MYO1D: variants seen among roughly 807,000 people sequenced by gnomAD.
MYO1D encodes the protein myosin ID, also known as unconventional myosin-Id.
A neutral mutation model predicts 122.0 loss-of-function variants in MYO1D; 83 were observed. The observed-to-expected ratio is 0.68, with a 90% confidence interval of 0.57 to 0.82. The LOEUF is 0.82. Among genes scored for constraint, MYO1D ranks in the 40% least tolerant of loss-of-function variants. MYO1D has a pLI of 0.00. For missense variants in MYO1D, 1,157 were observed against 1,269.5 expected (o/e 0.91, Z 1.35); for synonymous variants, 464 against 446.9 (o/e 1.04, Z -0.48).
intron 20 of MYO1D, among the ~76,000 whole-genome samples, chr17:32,631,609 T>A (rs1482024522): frequency 6.6e-6 from 1 of 151,304 alleles, no homozygotes; most frequent in Non-Finnish European, 1.5e-5. Context: ...ATTGCACAAC[T>A]GCACTCCAGC....
intron 20 of MYO1D, among the ~76,000 whole-genome samples, chr17:32,626,018 C>G (rs1182515255): frequency 1.3e-5 from 2 of 152,196 alleles, no homozygotes; most frequent in African/African-American, 2.4e-5. Context: ...TTCTGAGCAC[C>G]AGTTTTCTCT....
intron 16 of MYO1D, among the ~76,000 whole-genome samples, chr17:32,688,559 C>T (rs1420056503): frequency 6.6e-6 from 1 of 152,172 alleles, no homozygotes; most frequent in Non-Finnish European, 1.5e-5. Context: ...TTGAAGAACA[C>T]TGTAAGCAAG....
At chr17:32,733,168 G>A (rs905524608) in intron 14 of MYO1D, among the ~76,000 whole-genome samples, 1 of 152,200 alleles carries the variant, frequency 6.6e-6, no homozygotes, top group Non-Finnish European at 1.5e-5. Context: ...AGTGCAGCCT[G>A]CGAGGCTGAG....
chr17:32,876,740 C>A, intron 1 of MYO1D, 38 bp downstream of exon 1: 1 of 1,465,306 alleles, frequency 6.8e-7, no homozygotes, highest in Non-Finnish European at 9.1e-7. Flanking sequence ...CGGGAAAGCG[C>A]AGCCTCGCGC....
At chr17:32,770,057 T>A (rs950685137) in intron 6 of MYO1D, among the ~76,000 whole-genome samples, 38 of 152,230 alleles carry the variant, frequency 2.5e-4, no homozygotes, top group African/African-American at 9.2e-4. Context: ...TACTGTTTTT[T>A]GTTTTTAATT....
At position 32,772,683 on chromosome 17, in the gene MYO1D, CA is replaced by C; in HGVS notation, c.618+105del. 8.9e-6 allele frequency: 8 copies of C among 901,536 alleles called. No homozygotes were observed. The South Asian group carries it at 1.1e-4, about 12-fold the overall frequency. 55.8% of individuals were successfully genotyped at this position (901,536 alleles called of 1,614,324 possible). A position where few individuals can be genotyped will look rare whatever the true frequency, so the allele number is the denominator to read the frequency against. On this transcript the variant is annotated intron_variant, in intron 5 of 21. Coordinates refer to ENST00000318217, the MANE Select transcript of MYO1D (RefSeq NM_015194.3). Reference sequence around the variant, plus strand: ...GTGCATGCGTGACATGTTACGGGGCCAATGGAGATGAGTGATGCATAGGACA... The same window carrying C: ...GTGCATGCGTGACATGTTACGGGGCCATGGAGATGAGTGATGCATAGGACA...
chr17:32,749,453 A>C (rs1192952986), intron 11 of MYO1D, among the ~76,000 whole-genome samples: 1 of 152,214 alleles, frequency 6.6e-6, no homozygotes, highest in East Asian at 1.9e-4. Context: ...GCTACAGGCT[A>C]GGCATGGTGG....
chr17:32,853,044 G>A (rs1161655692), intron 1 of MYO1D, among the ~76,000 whole-genome samples: 1 of 152,128 alleles, frequency 6.6e-6, no homozygotes, highest in Non-Finnish European at 1.5e-5. Flanking sequence ...AAGAACAATA[G>A]CCTCAGCCTG....
intron 21 of MYO1D, among the ~76,000 whole-genome samples, chr17:32,503,078 C>G (rs1555620289): frequency 1.3e-5 from 2 of 152,212 alleles, no homozygotes; most frequent in Non-Finnish European, 2.9e-5. Flanking sequence ...CATTTAGACT[C>G]TTGTCTTCTG....
intron 15 of MYO1D, among the ~76,000 whole-genome samples, chr17:32,717,835 A>C (rs2089465783): frequency 6.6e-6 from 1 of 152,218 alleles, no homozygotes; most frequent in Non-Finnish European, 1.5e-5. Flanking sequence ...GTTTTTAAAA[A>C]ATTCTTATGC....
Position 32,533,232 on chromosome 17 carries a change from C to G in MYO1D, c.2865-38317G>C, listed in dbSNP as rs191790951. 9.2e-5 allele frequency among the ~76,000 whole-genome samples: 14 copies of G among 152,284 alleles called. No homozygotes were observed. The East Asian group carries it at 2.7e-3, about 29-fold the overall frequency. On this transcript the variant is annotated intron_variant, in intron 21 of 21. Coordinates refer to ENST00000318217, the MANE Select transcript of MYO1D (RefSeq NM_015194.3). ...ACCTCTAGCCCATTTTAATTCCAAA[C>G]CTTATATTCAGCTGCCTCTTAGATA...
intron 20 of MYO1D, among the ~76,000 whole-genome samples, chr17:32,611,026 G>A (rs1177900910): frequency 6.6e-6 from 1 of 152,096 alleles, no homozygotes; most frequent in African/African-American, 2.4e-5. Context: ...GTCTCTGATT[G>A]CAACCCATTT....
At chr17:32,695,369 T>C (rs1168721609) in intron 16 of MYO1D, among the ~76,000 whole-genome samples, 1 of 152,244 alleles carries the variant, frequency 6.6e-6, no homozygotes, top group East Asian at 1.9e-4. Flanking sequence ...CTGTGCGGCC[T>C]GGTTCCTAAC....
At chr17:32,693,384 T>C (rs1454638357) in intron 16 of MYO1D, among the ~76,000 whole-genome samples, 7 of 116,234 alleles carry the variant, frequency 6.0e-5, no homozygotes, top group Non-Finnish European at 1.3e-4. Flanking sequence ...ACACCTCAAG[T>C]AAAAAAAAAA....
intron 4 of MYO1D, among the ~76,000 whole-genome samples, chr17:32,775,539 G>A (rs1176430156): frequency 4.6e-5 from 7 of 152,166 alleles, no homozygotes; most frequent in Non-Finnish European, 1.0e-4. Flanking sequence ...AGAAGATGGT[G>A]ATGTATAAAA....
chr17:32,776,640 C>T (rs928032947), intron 3 of MYO1D, among the ~76,000 whole-genome samples: 4 of 152,094 alleles, frequency 2.6e-5, no homozygotes, highest in Admixed American at 1.3e-4. Context: ...TTTTAAGGCA[C>T]TTGCTTATAA....
chr17:32,528,870 C>T (rs1026716356), intron 21 of MYO1D: 1 of 152,254 alleles, frequency 6.6e-6, no homozygotes, highest in African/African-American at 2.4e-5. Context: ...GCCCAACGCC[C>T]TCGTTCTGGC....
chr17:32,536,983 T>G lies in MYO1D; in HGVS notation c.2865-42068A>C, dbSNP rs17733480. Among the ~76,000 whole-genome samples, 1,320 of 152,196 alleles carry G rather than the reference T, an allele frequency of 8.7e-3. 12 individuals carry two copies. Among genetic ancestry groups the G allele is most frequent in the Middle Eastern group, 0.017 (5 of 294 alleles). ...GAAAGGCCACCTTTGACCCAGAAAA[T>G]GTGTGGTTGGATGAAAGACGTTTCT... On this transcript the variant is annotated intron_variant, in intron 21 of 21. Coordinates refer to ENST00000318217, the MANE Select transcript of MYO1D (RefSeq NM_015194.3).
chr17:32,498,348 C>G (rs1909196475), intron 21 of MYO1D: 1 of 152,280 alleles, frequency 6.6e-6, no homozygotes, highest in Non-Finnish European at 1.5e-5. Context: ...CTCCTGATCC[C>G]TTTGAGGTCT....
Sources: gnomAD v4.1 joint callset for allele counts (sites outside exome capture counted in the v4.1 genomes callset) on GRCh38, gnomAD v4.1.1 for gene constraint, MANE v1.5 for transcripts, NCBI Gene and HGNC (gene_info 2026-07-23, HGNC 2026-07-21) for gene names.